Variants in ZFPM2 observed in about 807,000 individuals in gnomAD.
The protein encoded by ZFPM2 is zinc finger protein ZFPM2.
Under a neutral mutation model 98.6 loss-of-function variants are expected in ZFPM2, and 20 were observed. The observed-to-expected ratio is 0.20, with a 90% CI of 0.14 to 0.29. The LOEUF is 0.29. Among genes scored for constraint, ZFPM2 ranks in the 10% least tolerant of loss-of-function variants. ZFPM2 has a pLI of 1.00. For missense variants in ZFPM2, 1,310 were observed against 1,388.6 expected, an observed-to-expected ratio of 0.94 and a Z score of 0.90; for synonymous variants, 518 against 502.7, an observed-to-expected ratio of 1.03 and a Z score of -0.41.
intron 4 of ZFPM2, among the ~76,000 whole-genome samples, chr8:105,584,761 A>G (rs1440529470): frequency 6.6e-6 from 1 of 152,188 alleles, no homozygotes; most frequent in Non-Finnish European, 1.5e-5. Flanking sequence ...CAATGTCTTA[A>G]AAAATATGAG....
At chr8:105,450,504 G>A (rs1812463968) in intron 3 of ZFPM2, among the ~76,000 whole-genome samples, 2 of 152,092 alleles carry the variant, frequency 1.3e-5, no homozygotes, top group Non-Finnish European at 2.9e-5. Flanking sequence ...GAATGACTGT[G>A]TATTACTCTG....
At position 105,803,137 on chromosome 8, in the gene ZFPM2, G is replaced by T. The variant is rs750342489; in HGVS notation, c.3055G>T (p.Ala1019Ser). The change falls in exon 8 of 8, where the codon GCT (alanine) becomes TCT (serine). Residue 1019 changes from alanine to serine, a missense_variant. Physicochemically the swap from Ala to Ser is moderately conservative, Grantham distance 99. Transcript: ENST00000407775. ...NAENESPKGQ[A>S]SSNGCAALKK... ...AGAAAATGAATCTCCTAAAGGCCAG[G>T]CTTCCTCAAATGGGTGTGCTGCGCT... The T allele has an allele frequency of 1.6e-5, 26 of 1,613,898 alleles. No homozygotes were observed. The highest frequency in any genetic ancestry group is 2.2e-5 in the South Asian group (2 of 91,076).
chr8:105,722,527 A>G (rs1811692396), intron 5 of ZFPM2, among the ~76,000 whole-genome samples: 1 of 151,938 alleles, frequency 6.6e-6, no homozygotes, highest in Non-Finnish European at 1.5e-5. Context: ...TAAATAATTG[A>G]TTAACACATA....
intron 3 of ZFPM2, among the ~76,000 whole-genome samples, chr8:105,550,759 A>G (rs1422337418): frequency 6.6e-6 from 1 of 152,180 alleles, no homozygotes; most frequent in African/African-American, 2.4e-5. Flanking sequence ...ATAGACTTCA[A>G]AGGATAGCTA....
At chr8:105,550,323 A>G (rs1814821468) in intron 3 of ZFPM2, among the ~76,000 whole-genome samples, 1 of 152,168 alleles carries the variant, frequency 6.6e-6, no homozygotes, top group Non-Finnish European at 1.5e-5. Context: ...GGCTGCTGAT[A>G]TGATAGTGGG....
chr8:105,603,225 G>C (rs1816128390), intron 4 of ZFPM2, among the ~76,000 whole-genome samples: 1 of 152,082 alleles, frequency 6.6e-6, no homozygotes, highest in African/African-American at 2.4e-5. Flanking sequence ...TTTTACAGCA[G>C]TGGTGTACAA....
At chr8:105,698,405 C>T (rs534739418) in intron 5 of ZFPM2, among the ~76,000 whole-genome samples, 1 of 152,304 alleles carries the variant, frequency 6.6e-6, no homozygotes, top group South Asian at 2.1e-4. Context: ...TCCAAGATAA[C>T]TTATAGCAAA....
intron 3 of ZFPM2, among the ~76,000 whole-genome samples, chr8:105,546,274 C>G (rs1191859884): frequency 1.3e-5 from 2 of 151,962 alleles, no homozygotes; most frequent in Non-Finnish European, 2.9e-5. Flanking sequence ...TATTTATTCC[C>G]AATTACAAAA....
intron 5 of ZFPM2, among the ~76,000 whole-genome samples, chr8:105,665,141 G>A (rs879092495): frequency 6.6e-6 from 1 of 152,044 alleles, no homozygotes; most frequent in Admixed American, 6.6e-5. Context: ...GGTGAGAGAG[G>A]AAGCCAAGGA....
At chr8:105,378,480 A>G (rs1810775502) in intron 1 of ZFPM2, among the ~76,000 whole-genome samples, 1 of 152,104 alleles carries the variant, frequency 6.6e-6, no homozygotes, top group Admixed American at 6.5e-5. Flanking sequence ...CTTTCCTCCT[A>G]GGCTGCAAAC....
chr8:105,696,646 A>G (rs1466305634), intron 5 of ZFPM2, among the ~76,000 whole-genome samples: 2 of 152,200 alleles, frequency 1.3e-5, no homozygotes, highest in East Asian at 1.9e-4. Flanking sequence ...AGTCCCTTTT[A>G]TTATCAGAAA....
chr8:105,694,201 T>G (rs1166836844), intron 5 of ZFPM2, among the ~76,000 whole-genome samples: 2 of 151,904 alleles, frequency 1.3e-5, no homozygotes, highest in Middle Eastern at 3.2e-3. Flanking sequence ...TTAGCCAGGA[T>G]GGTCTCAATC....
At chr8:105,658,402 C>G (rs1334169821) in intron 5 of ZFPM2, among the ~76,000 whole-genome samples, 1 of 49,828 alleles carries the variant, frequency 2.0e-5, no homozygotes, top group Non-Finnish European at 4.0e-5. Context: ...TCCTGGCTAA[C>G]ACGGTGAAAC....
chr8:105,417,019 C>T (rs543345272), intron 1 of ZFPM2, among the ~76,000 whole-genome samples: 23 of 152,056 alleles, frequency 1.5e-4, no homozygotes, highest in Non-Finnish European at 2.9e-4. Flanking sequence ...TCTCTTGACT[C>T]ATGCCTGTAG....
intron 5 of ZFPM2, among the ~76,000 whole-genome samples, chr8:105,720,911 A>G (rs781674952): frequency 6.6e-5 from 10 of 151,936 alleles, no homozygotes; most frequent in Non-Finnish European, 1.3e-4. Flanking sequence ...ACCTTGCTGC[A>G]TCTGTAAAAG....
intron 5 of ZFPM2, among the ~76,000 whole-genome samples, chr8:105,635,245 A>G (rs1207257158): frequency 3.9e-5 from 6 of 152,184 alleles, no homozygotes; most frequent in Admixed American, 1.3e-4. Flanking sequence ...CCTAGAAACC[A>G]TAAAAGCATA....
At chr8:105,370,002 A>C (rs1810587396) in intron 1 of ZFPM2, among the ~76,000 whole-genome samples, 1 of 152,152 alleles carries the variant, frequency 6.6e-6, no homozygotes, top group Non-Finnish European at 1.5e-5. Context: ...ATTATGTTTA[A>C]GACTTTGGAG....
intron 3 of ZFPM2, among the ~76,000 whole-genome samples, chr8:105,452,664 A>AT (rs1812510390): frequency 6.6e-6 from 1 of 151,952 alleles, no homozygotes; most frequent in Non-Finnish European, 1.5e-5. Context: ...AGGCAGGAGG[A>AT]TTGCTTGAAC....
intron 4 of ZFPM2, among the ~76,000 whole-genome samples, chr8:105,630,865 G>A (rs914880230): frequency 6.6e-6 from 1 of 152,018 alleles, no homozygotes; most frequent in African/African-American, 2.4e-5. Context: ...GTTGGAGGGA[G>A]GGGGGAGTGG....
Sources: allele counts gnomAD v4.1 joint callset (sites outside exome capture counted in the v4.1 genomes callset), GRCh38; gene constraint gnomAD v4.1.1; transcripts MANE v1.5; gene names NCBI Gene and HGNC (gene_info 2026-07-23, HGNC 2026-07-21).